Variants in SAMMSON observed in about 807,000 individuals in gnomAD.
SAMMSON encodes the protein long intergenic non-protein coding RNA 1212.
At chr3:70,153,610 G>A (rs915082190) in intron 4 of SAMMSON, among the ~76,000 whole-genome samples, 1 of 151,848 alleles carries the variant, frequency 6.6e-6, no homozygotes, top group Admixed American at 6.6e-5. Flanking sequence ...TTGTAATCAG[G>A]GAAAACTACA....
chr3:70,321,723 A>G lies in SAMMSON; in HGVS notation n.739+30480A>G, dbSNP rs535208636. On this transcript the variant is annotated intron_variant and non_coding_transcript_variant, in intron 7 of 9. Transcript: ENST00000642114. ...TAGAGGATCAACTTTACCTTTAAAA[A>G]ACTAGCTGACATCCAGATAGAGTTT... Among the ~76,000 whole-genome samples, 24 of 152,156 alleles carry G rather than the reference A, an allele frequency of 1.6e-4. No individual in the cohort carries two copies. In the East Asian group the frequency reaches 4.4e-3, roughly 28 times the overall value.
At position 70,399,867 on chromosome 3, in the gene SAMMSON, CA is replaced by C. The variant is rs60507636; in HGVS notation, n.233+41553del. Among the ~76,000 whole-genome samples the C allele has an allele frequency of 5.0e-4, 68 of 134,992 alleles. No individual in the cohort carries two copies. The South Asian group carries it at 5.9e-3, about 12-fold the overall frequency. The allele number at this position is 134,992 out of a possible 152,430, so 88.6% of individuals were successfully genotyped here. A position where few individuals can be genotyped will look rare whatever the true frequency, so the allele number is the denominator to read the frequency against. On this transcript the variant is annotated intron_variant and non_coding_transcript_variant, in intron 2 of 3. Transcript: ENST00000641053. The stretch of plus-strand genomic sequence containing the variant: ...AAGACTCTGACTCAAAAAAAAAAAA[CA>C]AAAAAAAAACAAAAAAACCCACCAA...
At chr3:70,180,555 G>A (rs963537091) in intron 4 of SAMMSON, among the ~76,000 whole-genome samples, 2 of 152,046 alleles carry the variant, frequency 1.3e-5, no homozygotes, top group African/African-American at 4.8e-5. Flanking sequence ...ACAAGCCTGG[G>A]TCTCTTTTAT....
intron 8 of SAMMSON, chr3:70,358,157 A>G (rs1309094660): frequency 6.6e-6 from 1 of 152,204 alleles, no homozygotes; most frequent in African/African-American, 2.4e-5. Flanking sequence ...CTTAAAAAAC[A>G]AAAGTAATAC....
intron 3 of SAMMSON, among the ~76,000 whole-genome samples, chr3:70,041,346 A>G (rs1226522009): frequency 1.3e-5 from 2 of 152,156 alleles, no homozygotes; most frequent in African/African-American, 4.8e-5. Context: ...TAACGTATTT[A>G]GGGAAATCAC....
chr3:70,080,802 A>G (rs1183025704), intron 4 of SAMMSON, among the ~76,000 whole-genome samples: 2 of 152,220 alleles, frequency 1.3e-5, no homozygotes, highest in South Asian at 2.1e-4. Context: ...TAAAATCAAT[A>G]TAACGATATT....
At chr3:70,225,720 G>A (rs928349279) in intron 4 of SAMMSON, among the ~76,000 whole-genome samples, 2 of 152,160 alleles carry the variant, frequency 1.3e-5, no homozygotes, top group African/African-American at 4.8e-5. Context: ...AAACAATAAA[G>A]TAGAACGATA....
chr3:70,144,811 T>A (rs1456675635), intron 4 of SAMMSON, among the ~76,000 whole-genome samples: 1 of 152,168 alleles, frequency 6.6e-6, no homozygotes. Flanking sequence ...CCATGTAAGA[T>A]GTGACTTGCT....
chr3:70,094,053 C>T (rs557621896), intron 4 of SAMMSON, among the ~76,000 whole-genome samples: 57 of 152,268 alleles, frequency 3.7e-4, no homozygotes, highest in Middle Eastern at 3.4e-3. Flanking sequence ...CTTTGGAAAA[C>T]GGGAACCATC....
chr3:70,243,212 G>A (rs754103128), intron 4 of SAMMSON, among the ~76,000 whole-genome samples: 38 of 152,132 alleles, frequency 2.5e-4, no homozygotes, highest in Admixed American at 9.8e-4. Flanking sequence ...TGAGGATTGG[G>A]GGCTGTGACA....
intron 9 of SAMMSON, among the ~76,000 whole-genome samples, chr3:70,374,516 T>G (rs187782304): frequency 4.6e-5 from 7 of 152,214 alleles, no homozygotes; most frequent in African/African-American, 1.7e-4. Flanking sequence ...TTTGAGGTGG[T>G]GGAGTTTATT....
intron 4 of SAMMSON, among the ~76,000 whole-genome samples, chr3:70,191,929 G>A (rs1001104756): frequency 4.7e-5 from 7 of 149,294 alleles, no homozygotes; most frequent in Non-Finnish European, 7.4e-5. Context: ...TACTTTAGAC[G>A]GCTGTTAGAG....
chr3:70,348,805 T>A (rs1157428878), intron 7 of SAMMSON, among the ~76,000 whole-genome samples: 2 of 151,980 alleles, frequency 1.3e-5, no homozygotes, highest in Non-Finnish European at 2.9e-5. Flanking sequence ...AGAACTGTGT[T>A]TTTTTTCCCA....
intron 7 of SAMMSON, among the ~76,000 whole-genome samples, chr3:70,339,010 G>T (rs1174187330): frequency 2.0e-5 from 3 of 152,050 alleles, no homozygotes; most frequent in South Asian, 2.1e-4. Flanking sequence ...TATACTACAA[G>T]GCTACAGTAA....
intron 4 of SAMMSON, among the ~76,000 whole-genome samples, chr3:70,157,628 T>G (rs1225453473): frequency 6.6e-6 from 1 of 152,050 alleles, no homozygotes; most frequent in Non-Finnish European, 1.5e-5. Flanking sequence ...GGTAATCGTT[T>G]AACAAAAATG....
intron 3 of SAMMSON, among the ~76,000 whole-genome samples, chr3:70,028,832 C>T (rs1408128571): frequency 1.3e-5 from 2 of 152,144 alleles, no homozygotes; most frequent in South Asian, 2.1e-4. Context: ...AGTTTTCTCA[C>T]CGATGATAAT....
intron 6 of SAMMSON, among the ~76,000 whole-genome samples, chr3:70,287,071 C>T (rs1476638739): frequency 7.0e-6 from 1 of 143,358 alleles, no homozygotes; most frequent in Non-Finnish European, 1.5e-5. Context: ...CCTAATTGCC[C>T]TGGCCAGAAC....
intron 4 of SAMMSON, among the ~76,000 whole-genome samples, chr3:70,163,965 C>G (rs2067626581): frequency 6.6e-6 from 1 of 151,996 alleles, no homozygotes; most frequent in Admixed American, 6.6e-5. Context: ...GCCCCATAAA[C>G]CCATGAACCC....
intron 4 of SAMMSON, among the ~76,000 whole-genome samples, chr3:70,197,546 C>T (rs1324029052): frequency 1.3e-5 from 2 of 152,122 alleles, no homozygotes; most frequent in Non-Finnish European, 2.9e-5. Flanking sequence ...GCAGGGACTC[C>T]CCAAATACAA....
Sources: allele counts gnomAD v4.1 joint callset (sites outside exome capture counted in the v4.1 genomes callset), GRCh38; gene constraint gnomAD v4.1.1; transcripts MANE v1.5; gene names NCBI Gene and HGNC (gene_info 2026-07-23, HGNC 2026-07-21).